The following A2ML1 variants were observed in gnomAD, a reference collection of about 807,000 sequenced individuals.
A2ML1 encodes the protein alpha-2-macroglobulin like 1.
A neutral mutation model predicts 181.9 loss-of-function variants in A2ML1; 161 were observed. The ratio of observed to expected loss-of-function variants is 0.89; its 90% CI spans 0.78 to 1.01. The LOEUF is 1.01. A2ML1 is among the 50% of genes least tolerant of loss of function. A2ML1 has a pLI of 0.00. For missense variants in A2ML1, 1,670 were observed against 1,768.1 expected (o/e 0.94, Z 1.00); for synonymous variants, 663 against 666.8 (o/e 0.99, Z 0.09).
intron 3 of A2ML1, among the ~76,000 whole-genome samples, chr12:8,824,222 G>GTTTTTT (rs34400836): frequency 7.6e-5 from 7 of 92,310 alleles, no homozygotes; most frequent in Admixed American, 1.4e-4. Flanking sequence ...AGCTACTGGG[G>GTTTTTT]TTTTTTTTTT....
chr12:8,831,236 G>A (rs1334988771), intron 4 of A2ML1, among the ~76,000 whole-genome samples: 1 of 152,110 alleles, frequency 6.6e-6, no homozygotes, highest in African/African-American at 2.4e-5. Context: ...ATAGGCCTGA[G>A]CCACTGCACC....
intron 26 of A2ML1, among the ~76,000 whole-genome samples, chr12:8,860,631 C>G (rs1944222683): frequency 6.6e-6 from 1 of 152,142 alleles, no homozygotes; most frequent in Non-Finnish European, 1.5e-5. Flanking sequence ...AATACCCACT[C>G]AGCTGAAGTC....
At chr12:8,885,619 C>A (rs370823644) in intron 7 of A2ML1, among the ~76,000 whole-genome samples, 36 of 151,954 alleles carry the variant, frequency 2.4e-4, no homozygotes, top group African/African-American at 8.7e-4. Flanking sequence ...TGCCACCACA[C>A]CCCGCTAATT....
rs1565475786 is a variant in A2ML1 at position 8,845,873 on chromosome 12, ATAAAAT to A, written c.1538-203_1538-198del. Among the ~76,000 whole-genome samples, 177 of 105,166 alleles carry A rather than the reference ATAAAAT, an allele frequency of 1.7e-3. 4 individuals are homozygous for A. The highest frequency in any genetic ancestry group is 7.3e-3 in the African/African-American group (164 of 22,364). 69.0% of individuals were successfully genotyped at this position (105,166 alleles called of 152,430 possible). On this transcript the variant is annotated intron_variant, in intron 13 of 35. Coordinates refer to ENST00000299698, the MANE Select transcript of A2ML1 (RefSeq NM_144670.6). ...TCAAAAAAAAAAAAAAATAAATAAAATAAAATAAAATAAAATAAAAAAATTCTTATC... is the reference window on the plus strand; with the variant it reads ...TCAAAAAAAAAAAAAAATAAATAAAAAAAATAAAATAAAAAAATTCTTATC...
intron 4 of A2ML1, among the ~76,000 whole-genome samples, chr12:8,830,201 A>G (rs1943066039): frequency 6.6e-6 from 1 of 151,914 alleles, no homozygotes; most frequent in Non-Finnish European, 1.5e-5. Flanking sequence ...ACAGGCGCGC[A>G]CCATCACGCC....
downstream of A2ML1, among the ~76,000 whole-genome samples, chr12:8,880,790 T>C (rs1045800665): frequency 7.9e-5 from 12 of 152,110 alleles, no homozygotes; most frequent in Non-Finnish European, 1.3e-4. Context: ...CATTAATTAA[T>C]AACATCTCAG....
Position 8,863,956 on chromosome 12 carries a change from T to A in A2ML1, c.3665T>A (p.Val1222Glu). 6.2e-7 allele frequency: 1 copy of A among 1,613,022 alleles called. No individual in the cohort carries two copies. Among genetic ancestry groups the A allele is most frequent in the Non-Finnish European group, 8.5e-7 (1 of 1,179,658 alleles). The change falls in exon 29 of 36, where the codon GTG (valine) becomes GAG (glutamate). Residue 1222 changes from valine (V) to glutamate (E), a missense_variant. Transcript: ENST00000299698. ...QKEIAKATSI[V>E]AWLAKQHNAY... The stretch of plus-strand genomic sequence containing the variant: ...GAGATAGCGAAGGCCACTAGCATAG[T>A]GGCTTGGTTGGCCAAGCAACACAAT...
chr12:8,882,019 AAAAG>A (rs1944876954), intron 7 of A2ML1, among the ~76,000 whole-genome samples: 1 of 152,066 alleles, frequency 6.6e-6, no homozygotes, highest in South Asian at 2.1e-4. Flanking sequence ...TCAAAAAAAA[AAAAG>A]AAAAAAGTTT....
intron 4 of A2ML1, 78 bp downstream of exon 4, chr12:8,829,857 C>G: frequency 6.3e-7 from 1 of 1,586,204 alleles, no homozygotes; most frequent in Non-Finnish European, 8.6e-7. Flanking sequence ...TGGAAGTCCT[C>G]TCAGCCTGGG....
chr12:8,878,996 G>A (rs1027127689), downstream of A2ML1, among the ~76,000 whole-genome samples: 3 of 151,822 alleles, frequency 2.0e-5, no homozygotes, highest in African/African-American at 7.3e-5. The surrounding 1 kb of genome is among the most constrained non-coding windows in gnomAD (Gnocchi z 4.4). Flanking sequence ...AAATAAAAGC[G>A]TATACTGAAG....
At chr12:8,875,076 T>G (rs755080330) in intron 35 of A2ML1, 64 bp downstream of exon 35, 62 of 1,530,390 alleles carry the variant, frequency 4.1e-5, no homozygotes, top group Non-Finnish European at 5.5e-5. Context: ...GAGGAGCCTC[T>G]TTTCGAGTTA....
intron 7 of A2ML1, among the ~76,000 whole-genome samples, chr12:8,836,996 C>G (rs945002292): frequency 1.3e-5 from 2 of 152,068 alleles, no homozygotes; most frequent in Admixed American, 1.3e-4. Flanking sequence ...GGGAAGAGAG[C>G]TAGAGAAAGG....
chr12:8,857,272 A>G lies in A2ML1; in HGVS notation c.2957A>G (p.Gln986Arg), dbSNP rs767133069. ...TTTGCTCCCATCATCTATGTCTTGC[A>G]GTACCTGGAGAAGGCAGGGCTGCTG... ...VLFAPIIYVL[Q>R]YLEKAGLLTE... Residue 986 changes from glutamine (Q) to arginine (R), a missense_variant, in exon 24 of 36, where the codon CAG (glutamine) becomes CGG (arginine). Coordinates refer to ENST00000299698, the MANE Select transcript of A2ML1 (RefSeq NM_144670.6). The G allele has an allele frequency of 2.5e-6, 4 of 1,613,868 alleles. No individual in the cohort carries two copies. The highest frequency in any genetic ancestry group is 1.1e-5 in the South Asian group (1 of 91,072).
intron 8 of A2ML1, among the ~76,000 whole-genome samples, chr12:8,837,983 C>A (rs1943344318): frequency 6.6e-6 from 1 of 151,634 alleles, no homozygotes; most frequent in Non-Finnish European, 1.5e-5. Context: ...AAGTAGAAAG[C>A]ATTTCCCAGA....
At chr12:8,864,316 C>A (rs1944372961) in intron 29 of A2ML1, among the ~76,000 whole-genome samples, 1 of 14,918 alleles carries the variant, frequency 6.7e-5, no homozygotes. Flanking sequence ...AGTTCGAGAC[C>A]AGTCTGGCCA....
rs1422805455 is a variant in A2ML1 at position 8,835,641 on chromosome 12, T to C, written c.618T>C (p.Phe206=). The part of the protein sequence containing the change: ...YTVAVAEGKT[F]GTFSVEEYVL... ...TGGCAGTGGCTGAGGGCAAGACCTT[T>C]GGTACTTTCAGTGTGGAGGAATATG... Residue 206 remains phenylalanine (F), a synonymous_variant, in exon 6 of 36, where the codon TTT becomes TTC. Coordinates refer to ENST00000299698, the MANE Select transcript of A2ML1 (RefSeq NM_144670.6). The C allele has an allele frequency of 6.2e-7, 1 of 1,614,116 alleles. No individual in the cohort carries two copies. The highest frequency in any genetic ancestry group is 1.7e-5 in the Admixed American group (1 of 60,010).
Position 8,839,125 on chromosome 12 carries a change from A to G in A2ML1, c.983A>G (p.Asn328Ser), listed in dbSNP as rs1336782276. Residue 328 changes from asparagine to serine, a missense_variant, in exon 10 of 36, where the codon AAT becomes AGT. Asn to Ser is a conservative substitution (Grantham distance 46). Coordinates refer to ENST00000299698, the MANE Select transcript of A2ML1 (RefSeq NM_144670.6). The stretch of plus-strand genomic sequence containing the variant: ...TTTCCCTCTGCAGGTGTGGAGGCCA[A>G]TGCCACTCAGAATATCTACATTTCT... ...VVEEGTGVEA[N>S]ATQNIYISPQ... The G allele has an allele frequency of 3.1e-6, 5 of 1,612,726 alleles. No homozygotes were observed. Among genetic ancestry groups the G allele is most frequent in the East Asian group, 2.2e-5 (1 of 44,834 alleles).
intron 4 of A2ML1, among the ~76,000 whole-genome samples, chr12:8,833,885 T>C (rs1277025839): frequency 3.3e-5 from 5 of 152,152 alleles, no homozygotes; most frequent in Non-Finnish European, 7.3e-5. Flanking sequence ...AGGCTGATAT[T>C]TGTATTTAGT....
At position 8,847,098 on chromosome 12, in the gene A2ML1, CTT is replaced by C. The variant is rs1212257948; in HGVS notation, c.1684-430_1684-429del. ...TACAAGTATGCACCACCATGCCTGGCTTTTTTTTTTTTTTTTTTTTTTGTATT... is the reference window on the plus strand; with the variant it reads ...TACAAGTATGCACCACCATGCCTGGCTTTTTTTTTTTTTTTTTTTTGTATT... On this transcript the variant is annotated intron_variant, in intron 14 of 35. Transcript: ENST00000299698. Among the ~76,000 whole-genome samples, 661 of 93,196 alleles carry C rather than the reference CTT, an allele frequency of 7.1e-3. 6 individuals carry two copies. The highest frequency in any genetic ancestry group is 0.028 in the African/African-American group (618 of 22,080). The allele number at this position is 93,196 out of a possible 152,430, so 61.1% of individuals were successfully genotyped here.
Sources: gnomAD v4.1 joint callset for allele counts (sites outside exome capture counted in the v4.1 genomes callset) on GRCh38, gnomAD v4.1.1 for gene constraint, Gnocchi (gnomAD v3.1) non-coding constraint, MANE v1.5 for transcripts, NCBI Gene and HGNC (gene_info 2026-07-23, HGNC 2026-07-21) for gene names.